PTPRD: variants seen among roughly 807,000 people sequenced by gnomAD.
PTPRD encodes the protein receptor-type tyrosine-protein phosphatase delta.
A neutral mutation model predicts 214.5 loss-of-function variants in PTPRD; 34 were observed. The observed-to-expected ratio is 0.16, with a 90% CI of 0.12 to 0.21. The LOEUF is 0.21. Among genes scored for constraint, PTPRD ranks in the 10% least tolerant of loss-of-function variants. The pLI, the probability that PTPRD is intolerant of heterozygous loss-of-function variation, is 1.00. For synonymous variants in PTPRD, 1,128 were observed against 845.7 expected (o/e 1.33, Z -5.79); for missense variants, 2,545 against 2,398.7 (o/e 1.06, Z -1.27).
intron 10 of PTPRD, among the ~76,000 whole-genome samples, chr9:9,020,101 G>A (rs12348476): frequency 0.32 from 48,649 of 151,910 alleles, 8,282 homozygotes; most frequent in Non-Finnish European, 0.38. Flanking sequence ...TGGAGCTGAC[G>A]GATATTATTG....
intron 11 of PTPRD, among the ~76,000 whole-genome samples, chr9:8,894,593 C>A (rs1034338814): frequency 6.2e-4 from 94 of 151,954 alleles, no homozygotes; most frequent in Non-Finnish European, 2.1e-4. Flanking sequence ...ATATTTTTAT[C>A]TAATTTTTGG....
At chr9:9,904,754 T>C (rs758476653) in intron 5 of PTPRD, among the ~76,000 whole-genome samples, 4 of 152,076 alleles carry the variant, frequency 2.6e-5, no homozygotes, top group Non-Finnish European at 5.9e-5. Context: ...TGAGAAAATG[T>C]AATGACACAT....
intron 7 of PTPRD, among the ~76,000 whole-genome samples, chr9:9,715,995 C>T (rs1037382685): frequency 2.0e-5 from 3 of 151,862 alleles, no homozygotes; most frequent in Non-Finnish European, 4.4e-5. Flanking sequence ...TAAAGCTATC[C>T]CTCCCCTCTC....
chr9:10,541,751 T>A (rs1261196800), intron 2 of PTPRD, among the ~76,000 whole-genome samples: 1 of 152,002 alleles, frequency 6.6e-6, no homozygotes, highest in African/African-American at 2.4e-5. Flanking sequence ...AAATTTAACT[T>A]CTATAAAAGG....
intron 12 of PTPRD, among the ~76,000 whole-genome samples, chr9:8,674,161 C>T (rs2097349913): frequency 6.6e-6 from 1 of 152,070 alleles, no homozygotes; most frequent in South Asian, 2.1e-4. Flanking sequence ...TTTGAATGTG[C>T]AATTCAAGCA....
chr9:8,796,274 T>G (rs905422376), intron 11 of PTPRD, among the ~76,000 whole-genome samples: 3 of 152,224 alleles, frequency 2.0e-5, no homozygotes, highest in Admixed American at 1.3e-4. Context: ...AATCTAATAT[T>G]TCAAATTTCC....
chr9:9,598,404 G>A (rs1264239000), intron 7 of PTPRD, among the ~76,000 whole-genome samples: 1 of 151,876 alleles, frequency 6.6e-6, no homozygotes, highest in Non-Finnish European at 1.5e-5. Flanking sequence ...TCTCTATCCT[G>A]AGCTCATTAT....
chr9:10,469,034 A>G (rs1323881383), intron 2 of PTPRD, among the ~76,000 whole-genome samples: 1 of 152,166 alleles, frequency 6.6e-6, no homozygotes, highest in Non-Finnish European at 1.5e-5. Context: ...AACACACTTA[A>G]TGCTGAAATT....
intron 14 of PTPRD, among the ~76,000 whole-genome samples, chr9:8,611,380 TG>T (rs2095439099): frequency 6.6e-6 from 1 of 151,668 alleles, no homozygotes; most frequent in Non-Finnish European, 1.5e-5. Context: ...AACCAGAACA[TG>T]GGGTAAAGGA....
At chr9:9,797,802 C>T (rs570031627) in intron 5 of PTPRD, among the ~76,000 whole-genome samples, 9 of 152,076 alleles carry the variant, frequency 5.9e-5, no homozygotes, top group Admixed American at 4.6e-4. Context: ...AAGCTGAGAT[C>T]GCGCCATCGC....
intron 7 of PTPRD, among the ~76,000 whole-genome samples, chr9:9,611,503 T>C (rs1387736547): frequency 6.6e-6 from 1 of 152,100 alleles, no homozygotes; most frequent in African/African-American, 2.4e-5. Context: ...ATACTGTTAT[T>C]CTAAAAATTT....
intron 7 of PTPRD, among the ~76,000 whole-genome samples, chr9:9,628,903 G>A (rs1206975094): frequency 6.6e-6 from 1 of 151,858 alleles, no homozygotes; most frequent in Non-Finnish European, 1.5e-5. Context: ...GCCAGGTGCA[G>A]TGGCCCACAC....
chr9:9,434,042 G>A (rs2084228196), intron 8 of PTPRD, among the ~76,000 whole-genome samples: 1 of 152,082 alleles, frequency 6.6e-6, no homozygotes, highest in Non-Finnish European at 1.5e-5. Context: ...CCAGAATATC[G>A]CTTTACAGAG....
intron 11 of PTPRD, among the ~76,000 whole-genome samples, chr9:8,995,169 A>T (rs2099391783): frequency 6.6e-6 from 1 of 152,088 alleles, no homozygotes; most frequent in South Asian, 2.1e-4. Context: ...AATAGATATA[A>T]CAACCAAATG....
chr9:9,956,166 G>C lies in PTPRD; in HGVS notation c.-471-17556C>G, dbSNP rs190283084. On this transcript the variant is annotated intron_variant, in intron 4 of 45. Coordinates refer to ENST00000381196, the MANE Select transcript of PTPRD (RefSeq NM_002839.4). ...CATAAATATAATACATTTTCCTTTG[G>C]AGAGGTATTTTTCTTCCCATCAAAT... 2.0e-5 allele frequency among the ~76,000 whole-genome samples: 3 copies of C among 151,784 alleles called. No homozygotes were observed. In the South Asian group the frequency reaches 6.3e-4, roughly 32 times the overall value.
At chr9:9,492,992 C>G (rs2095987979) in intron 8 of PTPRD, among the ~76,000 whole-genome samples, 1 of 146,744 alleles carries the variant, frequency 6.8e-6, no homozygotes, top group African/African-American at 2.5e-5. Context: ...TCTGACTGCT[C>G]CACTAATTGG....
chr9:8,970,003 G>T (rs948029508), intron 11 of PTPRD, among the ~76,000 whole-genome samples: 6 of 151,864 alleles, frequency 4.0e-5, no homozygotes, highest in Admixed American at 1.3e-4. Context: ...ATCTCAAGTA[G>T]AAACCACTAG....
chr9:9,454,441 C>G (rs2092699524), intron 8 of PTPRD, among the ~76,000 whole-genome samples: 1 of 151,648 alleles, frequency 6.6e-6, no homozygotes, highest in South Asian at 2.1e-4. Context: ...TTCCCAGGCA[C>G]TACAGTAATA....
intron 10 of PTPRD, among the ~76,000 whole-genome samples, chr9:9,179,695 T>C (rs900766932): frequency 1.3e-5 from 2 of 152,092 alleles, no homozygotes; most frequent in African/African-American, 4.8e-5. Flanking sequence ...ACTGGCAGGA[T>C]AATGGAAACC....
Sources: gnomAD v4.1 joint callset for allele counts (sites outside exome capture counted in the v4.1 genomes callset) on GRCh38, gnomAD v4.1.1 for gene constraint, MANE v1.5 for transcripts, NCBI Gene and HGNC (gene_info 2026-07-23, HGNC 2026-07-21) for gene names.